The following DNAH14 variants were observed in gnomAD, a reference collection of about 807,000 sequenced individuals.
The protein encoded by DNAH14 is dynein axonemal heavy chain 14.
In DNAH14, 478 loss-of-function variants were observed where a neutral mutation model predicts 520.9. The observed-to-expected ratio is 0.92, with a 90% CI of 0.85 to 0.99. The LOEUF is 0.99. Among genes scored for constraint, DNAH14 ranks in the 50% least tolerant of loss-of-function variants. The pLI is 0.00. For synonymous variants in DNAH14, 1,581 were observed against 1,757.2 expected (o/e 0.90, Z 2.51); for missense variants, 4,831 against 5,234.5 (o/e 0.92, Z 2.38).
chr1:225,149,426 C>T (rs2080264647), intron 31 of DNAH14, among the ~76,000 whole-genome samples: 1 of 152,104 alleles, frequency 6.6e-6, no homozygotes, highest in African/African-American at 2.4e-5. Context: ...ATTTTTGTTT[C>T]ATATGAATTG....
At chr1:225,044,044 T>A in intron 15 of DNAH14, 61 bp downstream of exon 15, 1 of 1,012,864 alleles carries the variant, frequency 9.9e-7, no homozygotes, top group Non-Finnish European at 1.4e-6. Flanking sequence ...TTTTTAAATT[T>A]AAGCATCTGA....
intron 46 of DNAH14, 147 bp from the exon 47 acceptor site, chr1:225,264,050 C>T (rs1246568907): frequency 1.6e-6 from 1 of 609,828 alleles, no homozygotes; most frequent in African/African-American, 1.9e-5. Flanking sequence ...ACACTAATTT[C>T]ATCTGAAAAG....
At position 225,203,355 on chromosome 1, in the gene DNAH14, A is replaced by C. The variant is rs183251234; in HGVS notation, c.5887-828A>C. On this transcript the variant is annotated intron_variant, in intron 38 of 85. Coordinates refer to ENST00000682510, the MANE Select transcript of DNAH14 (RefSeq NM_001367479.1). ...ATTGGAAATAGCCTAGGACTTGCTT[A>C]CTTTGTGATGAGGGTGGGAATTAGT... 2.0e-5 allele frequency among the ~76,000 whole-genome samples: 3 copies of C among 152,328 alleles called. No homozygotes were observed. The East Asian group carries it at 5.8e-4, about 29-fold the overall frequency.
At chr1:225,079,665 A>AATT in intron 18 of DNAH14, 117 bp downstream of exon 18, 5 of 590,530 alleles carry the variant, frequency 8.5e-6, no homozygotes, top group Non-Finnish European at 1.4e-5. Context: ...AGTTTAATAC[A>AATT]AGTATTCTTT....
intron 43 of DNAH14, 56 bp downstream of exon 43, chr1:225,240,878 C>A (rs2091924205): frequency 6.5e-6 from 8 of 1,224,312 alleles, no homozygotes; most frequent in Non-Finnish European, 8.0e-6. Flanking sequence ...TAATTTAAAG[C>A]AATGCTTGGC....
At chr1:225,037,730 T>C (rs1246961064) in intron 11 of DNAH14, among the ~76,000 whole-genome samples, 1 of 152,204 alleles carries the variant, frequency 6.6e-6, no homozygotes, top group Non-Finnish European at 1.5e-5. Flanking sequence ...TTGCCCAGGC[T>C]GGAGTGCAAT....
At chr1:225,120,904 TC>T (rs1270002208) in intron 26 of DNAH14, among the ~76,000 whole-genome samples, 3 of 152,212 alleles carry the variant, frequency 2.0e-5, no homozygotes, top group East Asian at 1.9e-4. Flanking sequence ...CCTTTGCAAT[TC>T]TTTTTAAAAT....
Position 225,398,671 on chromosome 1 carries a change from T to C in DNAH14, c.13638+5T>C, listed in dbSNP as rs2096059073. ...ATATACTTTTTGCCAACAAAGGTAA[T>C]CACCCTGCTATTATCCTGAAGTCCT... On this transcript the variant is annotated splice_donor_5th_base_variant and intron_variant, in intron 85 of 85. Transcript: ENST00000682510. 1 of 1,551,614 alleles carries C rather than the reference T, an allele frequency of 6.4e-7. No homozygotes were observed. Among genetic ancestry groups the C allele is most frequent in the African/African-American group, 1.4e-5 (1 of 73,194 alleles).
intron 71 of DNAH14, 83 bp downstream of exon 71, chr1:225,346,737 C>G (rs2095291892): frequency 2.9e-6 from 3 of 1,045,728 alleles, no homozygotes; most frequent in Non-Finnish European, 4.0e-6. Context: ...AAGTCAATGC[C>G]TCTATAATTG....
At position 225,393,819 on chromosome 1, in the gene DNAH14, T is replaced by C. The variant is rs80251744; in HGVS notation, c.13491+1368T>C. ...GCAGTGATATATCTTTTTTTGTTTT[T>C]TTTTTGTTTTTTTTTTTGAGACGGA... is the stretch of plus-strand genomic sequence containing the variant. On this transcript the variant is annotated intron_variant, in intron 84 of 85. Coordinates refer to ENST00000682510, the MANE Select transcript of DNAH14 (RefSeq NM_001367479.1). Among the ~76,000 whole-genome samples, 958 of 139,322 alleles carry C rather than the reference T, an allele frequency of 6.9e-3. 10 individuals carry two copies. Among genetic ancestry groups the C allele is most frequent in the African/African-American group, 0.023 (900 of 38,764 alleles). The allele number at this position is 139,322 out of a possible 152,430, so 91.4% of individuals were successfully genotyped here.
intron 11 of DNAH14, among the ~76,000 whole-genome samples, chr1:225,034,075 C>G (rs768072332): frequency 1.3e-5 from 2 of 152,144 alleles, no homozygotes; most frequent in Admixed American, 6.5e-5. Context: ...CCTGATTGCT[C>G]TGGCCAGAAC....
intron 8 of DNAH14, among the ~76,000 whole-genome samples, chr1:224,978,563 G>A (rs1032912249): frequency 1.3e-5 from 2 of 152,130 alleles, no homozygotes; most frequent in African/African-American, 4.8e-5. Context: ...GGAGGAATAA[G>A]TTGTAGTGTT....
At chr1:225,370,228 G>A (rs768721407) in intron 77 of DNAH14, among the ~76,000 whole-genome samples, 1 of 152,246 alleles carries the variant, frequency 6.6e-6, no homozygotes, top group South Asian at 2.1e-4. Context: ...GTTGCAGTGA[G>A]CTGAGATCAC....
At chr1:225,260,137 G>C (rs1236879353) in intron 46 of DNAH14, among the ~76,000 whole-genome samples, 1 of 152,034 alleles carries the variant, frequency 6.6e-6, no homozygotes, top group Non-Finnish European at 1.5e-5. Context: ...GATCACCTGA[G>C]GTCAGGAGTT....
intron 60 of DNAH14, among the ~76,000 whole-genome samples, 176 bp downstream of exon 60, chr1:225,308,586 T>A (rs1574665543): frequency 6.6e-6 from 1 of 152,146 alleles, no homozygotes; most frequent in East Asian, 1.9e-4. Flanking sequence ...CAGGATAACA[T>A]TAAATGAAAG....
intron 23 of DNAH14, among the ~76,000 whole-genome samples, chr1:225,103,980 G>GAGTGGTGA (rs2075776793): frequency 1.3e-5 from 2 of 149,360 alleles, no homozygotes; most frequent in Non-Finnish European, 3.0e-5. Context: ...GTTTTCAAAG[G>GAGTGGTGA]GAATGCTTCC....
chr1:225,215,368 A>C (rs2089152920), intron 41 of DNAH14, among the ~76,000 whole-genome samples: 1 of 152,202 alleles, frequency 6.6e-6, no homozygotes, highest in Non-Finnish European at 1.5e-5. Context: ...TGGTGCTGAG[A>C]AGAATGTATA....
chr1:225,117,809 T>C (rs1393881381), intron 24 of DNAH14, 21 bp downstream of exon 24: 1 of 1,531,182 alleles, frequency 6.5e-7, no homozygotes, highest in Non-Finnish European at 8.9e-7. Flanking sequence ...CTTTCTCTGC[T>C]CAGCAATATT....
chr1:225,305,374 G>A (rs1249108677), intron 58 of DNAH14, among the ~76,000 whole-genome samples: 1 of 152,116 alleles, frequency 6.6e-6, no homozygotes, highest in African/African-American at 2.4e-5. Flanking sequence ...CAAGAGTAAC[G>A]AAGAGTGCCA....
Sources: gnomAD v4.1 joint callset for allele counts (sites outside exome capture counted in the v4.1 genomes callset) on GRCh38, gnomAD v4.1.1 for gene constraint, MANE v1.5 for transcripts, NCBI Gene and HGNC (gene_info 2026-07-23, HGNC 2026-07-21) for gene names.